The following SLC2A13 variants were observed in gnomAD, a reference collection of about 807,000 sequenced individuals.
SLC2A13 encodes the protein proton myo-inositol cotransporter.
In SLC2A13, 32 loss-of-function variants were observed where a neutral mutation model predicts 64.4. The ratio of observed to expected loss-of-function variants is 0.50; its 90% confidence interval spans 0.37 to 0.67. The LOEUF is 0.67. SLC2A13 is among the 30% of genes least tolerant of loss of function. The pLI is 0.00. For missense variants in SLC2A13, 743 were observed against 829.2 expected (o/e 0.90, Z 1.28); for synonymous variants, 338 against 327.1 (o/e 1.03, Z -0.36).
chr12:39,980,488 G>A (rs1471338974), intron 3 of SLC2A13, among the ~76,000 whole-genome samples: 1 of 151,380 alleles, frequency 6.6e-6, no homozygotes, highest in African/African-American at 2.4e-5. Context: ...GATCTACCAA[G>A]CAAATGGAAA....
In SLC2A13 at chr12:39,961,707, C is replaced by T. The variant is rs1946416746; in HGVS notation, c.926-10342G>A. 2.0e-5 allele frequency among the ~76,000 whole-genome samples: 3 copies of T among 151,682 alleles called. No homozygotes were observed. The South Asian group carries it at 6.3e-4, about 32-fold the overall frequency. Reference sequence around the variant, plus strand: ...TTTTTAGAGGCAAGGTTTCATGTTGCCCAGGCTGGTCTCAAACTCCTGGGC... The same window carrying T: ...TTTTTAGAGGCAAGGTTTCATGTTGTCCAGGCTGGTCTCAAACTCCTGGGC... On this transcript the variant is annotated intron_variant, in intron 3 of 9. Transcript: ENST00000280871.
chr12:40,010,322 C>A (rs561071110), intron 3 of SLC2A13, among the ~76,000 whole-genome samples: 4 of 152,148 alleles, frequency 2.6e-5, no homozygotes, highest in African/African-American at 7.2e-5. Context: ...AGGTAATAGA[C>A]GCCCTGTTGT....
chr12:39,851,463 CT>C (rs1361597769), intron 6 of SLC2A13, among the ~76,000 whole-genome samples: 3 of 152,086 alleles, frequency 2.0e-5, no homozygotes, highest in Non-Finnish European at 4.4e-5. Flanking sequence ...GAGCAGTGCA[CT>C]TTTTTTAGTG....
intron 3 of SLC2A13, among the ~76,000 whole-genome samples, chr12:39,969,002 A>G (rs1322680753): frequency 6.6e-6 from 1 of 151,538 alleles, no homozygotes; most frequent in Non-Finnish European, 1.5e-5. Flanking sequence ...CTTATGTCCA[A>G]GTGTTCTCAT....
intron 7 of SLC2A13, among the ~76,000 whole-genome samples, chr12:39,805,895 C>T (rs886494519): frequency 2.6e-5 from 4 of 152,094 alleles, no homozygotes; most frequent in African/African-American, 9.7e-5. Flanking sequence ...AAGCTGTGGG[C>T]AGGATTTGCT....
At chr12:39,944,341 A>G (rs1338027663) in intron 4 of SLC2A13, among the ~76,000 whole-genome samples, 2 of 152,254 alleles carry the variant, frequency 1.3e-5, no homozygotes, top group Admixed American at 6.5e-5. Flanking sequence ...GAAATGTTCT[A>G]TATGTATCTG....
chr12:39,905,068 C>T (rs962668408), intron 4 of SLC2A13, among the ~76,000 whole-genome samples: 4 of 152,104 alleles, frequency 2.6e-5, no homozygotes, highest in Non-Finnish European at 4.4e-5. Context: ...GAAGAATGCA[C>T]AAATATGCCC....
At chr12:40,073,461 ATGAT>A (rs1938042016) in intron 1 of SLC2A13, among the ~76,000 whole-genome samples, 1 of 152,174 alleles carries the variant, frequency 6.6e-6, no homozygotes, top group Non-Finnish European at 1.5e-5. Flanking sequence ...TCTCAGATCA[ATGAT>A]TAATTAAAAA....
intron 7 of SLC2A13, among the ~76,000 whole-genome samples, chr12:39,784,038 AAGG>A (rs1336741194): frequency 1.3e-5 from 2 of 152,364 alleles, no homozygotes; most frequent in South Asian, 2.1e-4. Context: ...GGACCTCTTC[AAGG>A]AGAACTACAA....
intron 7 of SLC2A13, among the ~76,000 whole-genome samples, chr12:39,829,038 T>C (rs1942771974): frequency 6.6e-6 from 1 of 152,156 alleles, no homozygotes; most frequent in South Asian, 2.1e-4. Flanking sequence ...AATACTTTAT[T>C]ACAGATTTCA....
intron 3 of SLC2A13, among the ~76,000 whole-genome samples, chr12:39,996,274 TA>T (rs1486064069): frequency 6.6e-6 from 1 of 152,180 alleles, no homozygotes; most frequent in African/African-American, 2.4e-5. Flanking sequence ...TTGTGGTATC[TA>T]GTGGAAGAAA....
chr12:39,977,027 C>T (rs569555823), intron 3 of SLC2A13, among the ~76,000 whole-genome samples: 59 of 152,232 alleles, frequency 3.9e-4, no homozygotes, highest in East Asian at 9.6e-4. Context: ...AAACAACATA[C>T]GTACTTTAAG....
intron 4 of SLC2A13, among the ~76,000 whole-genome samples, chr12:39,924,142 AATG>A (rs1592287221): frequency 6.6e-6 from 1 of 152,152 alleles, no homozygotes; most frequent in East Asian, 1.9e-4. Context: ...TTAAAATATG[AATG>A]ATGTTTTTAT....
intron 3 of SLC2A13, among the ~76,000 whole-genome samples, chr12:40,005,304 C>T (rs1197514506): frequency 6.6e-6 from 1 of 152,112 alleles, no homozygotes; most frequent in African/African-American, 2.4e-5. Context: ...TTTGAAGTGT[C>T]CCCAGGTGAG....
At chr12:39,943,862 A>G (rs1272937441) in intron 4 of SLC2A13, among the ~76,000 whole-genome samples, 1 of 152,220 alleles carries the variant, frequency 6.6e-6, no homozygotes, top group East Asian at 1.9e-4. Flanking sequence ...TCAGCACCCT[A>G]GGTTTCAAGT....
At chr12:39,767,858 G>C (rs4334097) in intron 7 of SLC2A13, among the ~76,000 whole-genome samples, 1 of 152,018 alleles carries the variant, frequency 6.6e-6, no homozygotes. Context: ...TCTCCTTCCT[G>C]TCGCCATGTG....
intron 4 of SLC2A13, among the ~76,000 whole-genome samples, chr12:39,874,332 G>A (rs1944126452): frequency 1.3e-5 from 2 of 151,962 alleles, no homozygotes; most frequent in Non-Finnish European, 1.5e-5. Context: ...ACAAATGAGG[G>A]GCCGGGCACG....
rs200980396 is a variant in SLC2A13 at position 40,028,480 on chromosome 12, G to A, written c.746C>T (p.Ala249Val). The A allele has an allele frequency of 2.5e-6, 4 of 1,613,824 alleles. No individual in the cohort carries two copies. Among genetic ancestry groups the A allele is most frequent in the Admixed American group, 1.7e-5 (1 of 59,996 alleles). ...RYMLGLAAVPAVIQFFGFLFL... is the reference protein window; with the variant it reads ...RYMLGLAAVPVVIQFFGFLFL... ...GAGAAAGCCAAAAAACTGTATAACC[G>A]CCGGAACTGCTGCAAGTCCCAACAT... The change falls in exon 3 of 10, where the codon GCG becomes GTG. Residue 249 changes from alanine to valine, a missense_variant. By Grantham distance (64) the Ala-to-Val change is moderately conservative. This residue lies in a region of SLC2A13 where 448 missense variants were observed against 447.4 expected (regional missense o/e 1.00). Transcript: ENST00000280871.
At chr12:39,767,615 C>CT (rs1231272019) in intron 7 of SLC2A13, among the ~76,000 whole-genome samples, 1 of 152,146 alleles carries the variant, frequency 6.6e-6, no homozygotes, top group Non-Finnish European at 1.5e-5. Flanking sequence ...GCAGTTTCAT[C>CT]TACATTGAAA....
Sources: gnomAD v4.1 joint callset for allele counts (sites outside exome capture counted in the v4.1 genomes callset) on GRCh38, gnomAD v4.1.1 for gene constraint, gnomAD v4.1.1 regional missense constraint, MANE v1.5 for transcripts, NCBI Gene and HGNC (gene_info 2026-07-23, HGNC 2026-07-21) for gene names.